SLC25A48: variants seen among roughly 807,000 people sequenced by gnomAD.
SLC25A48 encodes the protein CTC-321K16.1.
In SLC25A48, 29 loss-of-function variants were observed where a neutral mutation model predicts 32.2. The ratio of observed to expected loss-of-function variants is 0.90; its 90% CI spans 0.67 to 1.23. The LOEUF (loss-of-function observed/expected upper bound fraction) is 1.23, where lower values mean the gene tolerates loss of function less well. SLC25A48 is among the 50% of genes most tolerant of loss of function. The pLI is 0.00. For synonymous variants in SLC25A48, 164 were observed against 172.3 expected, an observed-to-expected ratio of 0.95 and a Z score of 0.38; for missense variants, 399 against 422.7, an observed-to-expected ratio of 0.94 and a Z score of 0.49.
chr5:135,850,245 T>C (rs546901642), intron 2 of SLC25A48, among the ~76,000 whole-genome samples, 180 bp from the exon 3 acceptor site: 1 of 152,198 alleles, frequency 6.6e-6, no homozygotes, highest in Non-Finnish European at 1.5e-5. Flanking sequence ...TGAGTCTGAA[T>C]GGGACATTAG....
chr5:135,818,918 A>T (rs1757802856), intron 4 of SLC25A48, among the ~76,000 whole-genome samples: 1 of 152,198 alleles, frequency 6.6e-6, no homozygotes, highest in Non-Finnish European at 1.5e-5. Flanking sequence ...AGAACTGAAA[A>T]ATACGAAATG....
At chr5:135,611,522 A>AAAAAAG (rs1561757433) in intron 1 of SLC25A48, among the ~76,000 whole-genome samples, 14 of 143,912 alleles carry the variant, frequency 9.7e-5, no homozygotes, top group East Asian at 7.9e-4. Flanking sequence ...AAAAAAAAAA[A>AAAAAAG]AAAAAGAAAA....
intron 7 of SLC25A48, among the ~76,000 whole-genome samples, chr5:135,887,472 A>G (rs971771910): frequency 2.0e-5 from 3 of 147,864 alleles, no homozygotes; most frequent in African/African-American, 7.6e-5. Flanking sequence ...GTGTGTGTGT[A>G]CATATACACA....
intron 1 of SLC25A48, among the ~76,000 whole-genome samples, chr5:135,591,879 T>G (rs753338119): frequency 1.6e-4 from 25 of 152,210 alleles, no homozygotes; most frequent in Non-Finnish European, 2.4e-4. Context: ...TCCTGGGATT[T>G]CTCCCAAATA....
chr5:135,733,950 T>C (rs1755291641), intron 3 of SLC25A48, among the ~76,000 whole-genome samples: 1 of 152,094 alleles, frequency 6.6e-6, no homozygotes, highest in Admixed American at 6.6e-5. Flanking sequence ...ACAATTTGGT[T>C]GATAAGGCGC....
chr5:135,836,543 C>A (rs1418916787), intron 1 of SLC25A48, among the ~76,000 whole-genome samples: 6 of 152,124 alleles, frequency 3.9e-5, no homozygotes, highest in Non-Finnish European at 2.9e-5. Context: ...AGTAATTTTA[C>A]AAAGAGGTGC....
chr5:135,868,788 G>A (rs1761419531), intron 4 of SLC25A48, among the ~76,000 whole-genome samples: 1 of 152,150 alleles, frequency 6.6e-6, no homozygotes, highest in South Asian at 2.1e-4. Flanking sequence ...TTTGACAGGT[G>A]TTTTTGCAAC....
chr5:135,849,129 C>T (rs1317043317), intron 2 of SLC25A48, among the ~76,000 whole-genome samples: 1 of 152,210 alleles, frequency 6.6e-6, no homozygotes, highest in Non-Finnish European at 1.5e-5. Flanking sequence ...TGCAGGAAAA[C>T]ATCGCCTGTG....
Position 135,871,488 on chromosome 5 carries a change from T to A in SLC25A48, c.449T>A (p.Val150Glu). The change falls in exon 5 of 8, where the codon GTG becomes GAG. Residue 150 changes from valine (V) to glutamate (E), a missense_variant. Val to Glu is a moderately radical substitution (Grantham distance 121). Coordinates refer to ENST00000681962, the MANE Select transcript of SLC25A48 (RefSeq NM_001349336.2). Reference sequence around the variant, plus strand: ...AACCTCGGTTTGAAGTCCAGGGCAGTGGCTCCTGCGGAGCAGCCAGCATAC... The same window carrying A: ...AACCTCGGTTTGAAGTCCAGGGCAGAGGCTCCTGCGGAGCAGCCAGCATAC... The part of the protein sequence containing the change: ...DANLGLKSRA[V>E]APAEQPAYQG... 1 of 1,602,610 alleles carries A rather than the reference T, an allele frequency of 6.2e-7. No homozygotes were observed. Among genetic ancestry groups the A allele is most frequent in the Non-Finnish European group, 8.5e-7 (1 of 1,171,874 alleles).
At chr5:135,638,528 A>G (rs753147686) in intron 3 of SLC25A48, among the ~76,000 whole-genome samples, 7 of 152,224 alleles carry the variant, frequency 4.6e-5, no homozygotes, top group African/African-American at 9.6e-5. Context: ...AGTTAGCCAC[A>G]AGTAGATAAA....
intron 3 of SLC25A48, among the ~76,000 whole-genome samples, chr5:135,646,981 CTT>C (rs1744012213): frequency 6.6e-6 from 1 of 151,852 alleles, no homozygotes. Flanking sequence ...ATTGTACACT[CTT>C]TGCTTAGAGA....
intron 6 of SLC25A48, among the ~76,000 whole-genome samples, chr5:135,876,875 A>T (rs1762101313): frequency 1.3e-5 from 2 of 152,212 alleles, no homozygotes; most frequent in South Asian, 4.1e-4. Flanking sequence ...GGGTGGCTCC[A>T]GTTCCCAGTT....
chr5:135,718,479 T>C (rs1179710498), intron 3 of SLC25A48, among the ~76,000 whole-genome samples: 1 of 152,220 alleles, frequency 6.6e-6, no homozygotes, highest in Non-Finnish European at 1.5e-5. Context: ...CTCATCTGTT[T>C]CTTCTGTAAA....
rs137998470 is a variant in SLC25A48, at chr5:135,771,065, G to A, written c.-520-41458G>A. On this transcript the variant is annotated intron_variant, in intron 3 of 10. Transcript: ENST00000646290. ...CGATATTGTTCTTAATATTTAGGGA[G>A]GGGAGAGAATGATATTACTTTCAAT... 5.2e-4 allele frequency among the ~76,000 whole-genome samples: 78 copies of A among 151,400 alleles called. 1 individual carries two copies. Among genetic ancestry groups the A allele is most frequent in the African/African-American group, 1.8e-3 (74 of 41,236 alleles).
chr5:135,803,304 C>T (rs987398066), intron 3 of SLC25A48, among the ~76,000 whole-genome samples: 3 of 151,152 alleles, frequency 2.0e-5, no homozygotes, highest in Admixed American at 1.3e-4. Flanking sequence ...CTTGTGAGTA[C>T]AATCTGTGAT....
chr5:135,723,969 A>C (rs1165294576), intron 3 of SLC25A48, among the ~76,000 whole-genome samples: 1 of 152,170 alleles, frequency 6.6e-6, no homozygotes, highest in Non-Finnish European at 1.5e-5. Context: ...TACATTATTG[A>C]CCCAAGACTG....
At chr5:135,751,226 C>T (rs1755763998) in intron 3 of SLC25A48, among the ~76,000 whole-genome samples, 1 of 152,190 alleles carries the variant, frequency 6.6e-6, no homozygotes, top group African/African-American at 2.4e-5. Context: ...CCTGCCTCAG[C>T]TCAGGCCCTC....
At chr5:135,872,955 C>A (rs915762825) in intron 5 of SLC25A48, among the ~76,000 whole-genome samples, 2 of 152,216 alleles carry the variant, frequency 1.3e-5, no homozygotes, top group African/African-American at 2.4e-5. Context: ...TCAGTACCGA[C>A]TGGCAGAGAG....
At chr5:135,590,487 T>G (rs775559679) in intron 1 of SLC25A48, among the ~76,000 whole-genome samples, 1 of 152,170 alleles carries the variant, frequency 6.6e-6, no homozygotes, top group Admixed American at 6.5e-5. Flanking sequence ...CCCCCAAGAA[T>G]GCACCACACT....
Sources: allele counts gnomAD v4.1 joint callset (sites outside exome capture counted in the v4.1 genomes callset), GRCh38; gene constraint gnomAD v4.1.1; transcripts MANE v1.5; gene names NCBI Gene and HGNC (gene_info 2026-07-23, HGNC 2026-07-21).